CSMD3: variants seen among roughly 807,000 people sequenced by gnomAD.
The protein encoded by CSMD3 is CUB and Sushi multiple domains 3.
Under a neutral mutation model 435.2 loss-of-function variants are expected in CSMD3, and 177 were observed. The ratio of observed to expected loss-of-function variants is 0.41; its 90% CI spans 0.36 to 0.46. CSMD3 has a LOEUF of 0.46. Ranked by LOEUF, CSMD3 falls within the 20% of genes least tolerant of loss-of-function variation. The pLI, the probability that CSMD3 is intolerant of heterozygous loss-of-function variation, is 0.34. For missense variants in CSMD3, 4,265 were observed against 4,504.6 expected (o/e 0.95, Z 1.52); for synonymous variants, 1,656 against 1,520.5 (o/e 1.09, Z -2.07).
intron 12 of CSMD3, among the ~76,000 whole-genome samples, chr8:112,811,225 CAAA>C (rs552381387): frequency 6.6e-6 from 1 of 151,460 alleles, no homozygotes; most frequent in South Asian, 2.1e-4. Flanking sequence ...AAAATAGTAA[CAAA>C]AAAGAAAACT....
intron 6 of CSMD3, among the ~76,000 whole-genome samples, chr8:112,976,776 C>T (rs897746594): frequency 6.6e-6 from 1 of 152,022 alleles, no homozygotes; most frequent in African/African-American, 2.4e-5. Flanking sequence ...ATACTTTCTA[C>T]TATTTTTAAG....
At chr8:113,085,559 A>G (rs1391390700) in intron 5 of CSMD3, among the ~76,000 whole-genome samples, 3 of 152,206 alleles carry the variant, frequency 2.0e-5, no homozygotes, top group Non-Finnish European at 2.9e-5. Flanking sequence ...TGGATAAAGA[A>G]AAGGTGGTAT....
chr8:112,527,703 T>C (rs1825115773), intron 27 of CSMD3, among the ~76,000 whole-genome samples: 1 of 152,048 alleles, frequency 6.6e-6, no homozygotes, highest in Admixed American at 6.6e-5. Flanking sequence ...TTAAAACTAA[T>C]AAAATATTAA....
chr8:112,630,923 C>G (rs1001161625), intron 22 of CSMD3, among the ~76,000 whole-genome samples: 1 of 140,814 alleles, frequency 7.1e-6, no homozygotes, highest in Non-Finnish European at 1.5e-5. Flanking sequence ...ATTATGTTAC[C>G]AACAAACTAC....
chr8:112,290,533 T>C (rs977585699), intron 56 of CSMD3, among the ~76,000 whole-genome samples: 1 of 151,990 alleles, frequency 6.6e-6, no homozygotes. Flanking sequence ...ATTACTGAAC[T>C]ATATGCATAG....
At chr8:113,121,077 A>T (rs376651622) in intron 4 of CSMD3, among the ~76,000 whole-genome samples, 27 of 152,116 alleles carry the variant, frequency 1.8e-4, no homozygotes, top group African/African-American at 6.3e-4. Flanking sequence ...TAACATTTGC[A>T]TAAAACCAGC....
At chr8:112,305,600 T>A (rs576563815) in intron 51 of CSMD3, among the ~76,000 whole-genome samples, 2 of 152,146 alleles carry the variant, frequency 1.3e-5, no homozygotes, top group Non-Finnish European at 2.9e-5. Flanking sequence ...AACAAAAGTT[T>A]AAAGTTATGG....
chr8:113,287,009 C>T (rs537842336), intron 2 of CSMD3, among the ~76,000 whole-genome samples: 5 of 151,948 alleles, frequency 3.3e-5, no homozygotes, highest in Non-Finnish European at 7.4e-5. Context: ...GGTACTATTA[C>T]AAACTCTCAG....
In CSMD3 at chr8:112,550,793, A is replaced by C; in HGVS notation, c.4442T>G (p.Leu1481Arg). The part of the protein sequence containing the change: ...VWDGPPENDM[L>R]LKEISGSLIP... The stretch of plus-strand genomic sequence containing the variant: ...AAGAGATCCACTAATTTCCTTTAAA[A>C]GCATATCATTTTCTGGTGGACCGTC... The change falls in exon 27 of 71, where the codon CTT becomes CGT. Residue 1481 changes from leucine (L) to arginine (R), a missense_variant. Coordinates refer to ENST00000297405, the MANE Select transcript of CSMD3 (RefSeq NM_198123.2). 6.2e-7 allele frequency: 1 copy of C among 1,610,196 alleles called. No homozygotes were observed. The highest frequency in any genetic ancestry group is 8.5e-7 in the Non-Finnish European group (1 of 1,176,762).
chr8:112,861,697 G>A (rs1017040385), intron 10 of CSMD3, among the ~76,000 whole-genome samples: 1 of 151,870 alleles, frequency 6.6e-6, no homozygotes, highest in African/African-American at 2.4e-5. Context: ...GTGTTTAGGT[G>A]CTAGTGGCCT....
chr8:112,292,576 C>T lies in CSMD3; in HGVS notation c.8749G>A (p.Ala2917Thr), dbSNP rs1365856875. The T allele has an allele frequency of 3.7e-6, 6 of 1,613,760 alleles. No homozygotes were observed. The highest frequency in any genetic ancestry group is 1.1e-5 in the South Asian group (1 of 91,080). Residue 2917 changes from alanine (A) to threonine (T), a missense_variant, in exon 55 of 71, where the codon GCC becomes ACC. By Grantham distance (58) the Ala-to-Thr change is moderately conservative. Coordinates refer to ENST00000297405, the MANE Select transcript of CSMD3 (RefSeq NM_198123.2). Reference sequence around the variant, plus strand: ...GGAGGATGGCTCCACTGTCTGTTGGCCTGGCACTGTGCCTTTGTTGGCCCT... The same window carrying T: ...GGAGGATGGCTCCACTGTCTGTTGGTCTGGCACTGTGCCTTTGTTGGCCCT... Reference protein sequence around the residue: ...MQGPTKAQCQANRQWSHPPPM... With the variant: ...MQGPTKAQCQTNRQWSHPPPM...
chr8:113,382,684 A>T (rs2094421818), intron 1 of CSMD3, among the ~76,000 whole-genome samples: 1 of 152,136 alleles, frequency 6.6e-6, no homozygotes, highest in African/African-American at 2.4e-5. Flanking sequence ...CCGCACAAGA[A>T]TTTTAAAACA....
intron 5 of CSMD3, among the ~76,000 whole-genome samples, chr8:113,062,684 T>C (rs1338469923): frequency 1.3e-5 from 2 of 151,850 alleles, no homozygotes; most frequent in Non-Finnish European, 3.0e-5. Context: ...ATATTTACTT[T>C]ATATTCAAAT....
chr8:112,591,906 A>G (rs1351210297), intron 22 of CSMD3, among the ~76,000 whole-genome samples: 1 of 151,998 alleles, frequency 6.6e-6, no homozygotes, highest in African/African-American at 2.4e-5. Context: ...AAGTTAGGAC[A>G]CCATTGATTA....
chr8:112,444,366 A>G (rs1176450895), intron 32 of CSMD3, among the ~76,000 whole-genome samples: 1 of 152,210 alleles, frequency 6.6e-6, no homozygotes, highest in African/African-American at 2.4e-5. Flanking sequence ...TATTGACTGA[A>G]GAGAAATAAA....
At chr8:113,173,604 G>A in intron 4 of CSMD3, 118 bp downstream of exon 4, 3 of 832,254 alleles carry the variant, frequency 3.6e-6, no homozygotes, top group African/African-American at 3.4e-5. Context: ...TTACAGGCGT[G>A]AGTCACCATG....
At chr8:112,708,617 C>G (rs1587030496) in intron 13 of CSMD3, among the ~76,000 whole-genome samples, 1 of 140,258 alleles carries the variant, frequency 7.1e-6, no homozygotes, top group South Asian at 2.2e-4. Context: ...GGCAAAGTAA[C>G]AAGTTTTATG....
chr8:112,240,927 C>T (rs1814065307), intron 66 of CSMD3, among the ~76,000 whole-genome samples: 1 of 152,014 alleles, frequency 6.6e-6, no homozygotes. Context: ...CTTGCTCCTA[C>T]TTGTCTTCCT....
chr8:112,321,626 GA>G (rs564094213), intron 45 of CSMD3, among the ~76,000 whole-genome samples: 222 of 152,158 alleles, frequency 1.5e-3, no homozygotes, highest in African/African-American at 5.2e-3. Flanking sequence ...ACAAAGAAAA[GA>G]AAGACTTTTC....
Sources: gnomAD v4.1 joint callset for allele counts (sites outside exome capture counted in the v4.1 genomes callset) on GRCh38, gnomAD v4.1.1 for gene constraint, MANE v1.5 for transcripts, NCBI Gene and HGNC (gene_info 2026-07-23, HGNC 2026-07-21) for gene names.